The following CARD14 variants were observed in gnomAD, a reference collection of about 807,000 sequenced individuals.
CARD14 encodes the protein caspase recruitment domain family member 14, also known as caspase recruitment domain-containing protein 14.
In CARD14, 107 loss-of-function variants were observed where a neutral mutation model predicts 111.5. That is an observed-to-expected ratio of 0.96 (90% confidence interval 0.82 to 1.13). The LOEUF is 1.13. CARD14 is among the 50% of genes most tolerant of loss of function. The pLI, the probability that CARD14 is intolerant of heterozygous loss-of-function variation, is 0.00. For synonymous variants in CARD14, 617 were observed against 579.6 expected (o/e 1.06, Z -0.93); for missense variants, 1,322 against 1,362.3 (o/e 0.97, Z 0.47).
At chr17:80,185,194 G>A (rs2040304841) in intron 7 of CARD14, among the ~76,000 whole-genome samples, 1 of 151,436 alleles carries the variant, frequency 6.6e-6, no homozygotes, top group Admixed American at 6.6e-5. Context: ...ACTACAGATT[G>A]TACCACCATA....
intron 2 of CARD14, among the ~76,000 whole-genome samples, 170 bp from the exon 3 acceptor site, chr17:80,178,338 A>G (rs2040074261): frequency 6.6e-6 from 1 of 152,128 alleles, no homozygotes; most frequent in Non-Finnish European, 1.5e-5. Context: ...AAGCTTCAAT[A>G]GTTACTGGGA....
intron 9 of CARD14, among the ~76,000 whole-genome samples, chr17:80,190,374 A>G (rs946724744): frequency 6.6e-5 from 10 of 152,044 alleles, no homozygotes; most frequent in Admixed American, 2.6e-4. Flanking sequence ...GCACTTTGGA[A>G]GGCCGAGGCA....
intron 3 of CARD14, among the ~76,000 whole-genome samples, chr17:80,178,895 G>T (rs7212328): frequency 6.6e-6 from 1 of 152,250 alleles, no homozygotes; most frequent in Non-Finnish European, 1.5e-5. Flanking sequence ...ACAGGCACCC[G>T]TCACCATGAC....
intron 2 of CARD14, among the ~76,000 whole-genome samples, chr17:80,177,449 A>G (rs2040053596): frequency 1.3e-5 from 2 of 152,156 alleles, no homozygotes; most frequent in South Asian, 4.1e-4. Context: ...TAATCCCAGC[A>G]CTTTGGGAGG....
intron 4 of CARD14, among the ~76,000 whole-genome samples, chr17:80,180,939 T>A (rs564311268): frequency 6.6e-6 from 1 of 152,280 alleles, no homozygotes; most frequent in Admixed American, 6.5e-5. Flanking sequence ...ATTTTTGTAT[T>A]TTTAGTAGAG....
At chr17:80,172,686 C>A (rs2039929623) in intron 1 of CARD14, among the ~76,000 whole-genome samples, 2 of 152,082 alleles carry the variant, frequency 1.3e-5, no homozygotes, top group African/African-American at 4.8e-5. Context: ...CACCGTTGAT[C>A]ATTACTCCAG....
rs1598655346 is a variant in CARD14, at chr17:80,190,890, G to A, written c.1080G>A (p.Glu360=). Residue 360 remains glutamate (E), a synonymous_variant, in exon 10 of 24, where the codon GAG becomes GAA. Transcript: ENST00000648509. The stretch of plus-strand genomic sequence containing the variant: ...CCCAGGTGTGCGAGCTGCAGAAGGA[G>A]CGAGACCAGGTACCTGAGAGGCCGG... ...LQAQVCELQK[E]RDQAYSARDS... 1.2e-6 allele frequency: 2 copies of A among 1,613,696 alleles called. No homozygotes were observed. Among genetic ancestry groups the A allele is most frequent in the Non-Finnish European group, 1.7e-6 (2 of 1,179,984 alleles).
At chr17:80,204,169 C>A in intron 19 of CARD14, 58 bp from the exon 20 acceptor site, 1 of 1,499,158 alleles carries the variant, frequency 6.7e-7, no homozygotes, top group Non-Finnish European at 9.0e-7. Context: ...CCCTGAATTC[C>A]CATTCCTGTT....
rs761315669 is a variant in CARD14, at chr17:80,198,096, C to A, written c.1595-3C>A. 6.2e-7 allele frequency: 1 copy of A among 1,613,462 alleles called. No individual in the cohort carries two copies. The highest frequency in any genetic ancestry group is 8.5e-7 in the Non-Finnish European group (1 of 1,179,922). Reference sequence around the variant, plus strand: ...GATCTGTGAGCTCTTGGCTTCCTCCCAGACCTTCCGCAGCTGGAAAGCAGC... The same window carrying A: ...GATCTGTGAGCTCTTGGCTTCCTCCAAGACCTTCCGCAGCTGGAAAGCAGC... On this transcript the variant is annotated splice_region_variant and splice_polypyrimidine_tract_variant and intron_variant, in intron 14 of 23. Transcript: ENST00000648509. The surrounding 1 kb of genome is among the most constrained non-coding windows in gnomAD (Gnocchi z 7.5).
At chr17:80,171,673 G>T (rs2039906682) in intron 1 of CARD14, among the ~76,000 whole-genome samples, 1 of 152,210 alleles carries the variant, frequency 6.6e-6, no homozygotes, top group Non-Finnish European at 1.5e-5. Flanking sequence ...GAAGTTCAGT[G>T]TGGCTCTGGG....
intron 2 of CARD14, among the ~76,000 whole-genome samples, chr17:80,175,479 C>T (rs1025670906): frequency 2.6e-5 from 4 of 152,178 alleles, no homozygotes; most frequent in African/African-American, 9.7e-5. Flanking sequence ...AGAGCGACTG[C>T]GCCCACTGGT....
intron 12 of CARD14, among the ~76,000 whole-genome samples, chr17:80,194,144 G>T (rs1422936673): frequency 6.6e-6 from 1 of 151,896 alleles, no homozygotes; most frequent in East Asian, 1.9e-4. Flanking sequence ...TGTGCCCCCT[G>T]CCCCCAACAC....
Position 80,195,119 on chromosome 17 carries a change from G to C in CARD14, c.1357-72G>C. 1.3e-6 allele frequency: 2 copies of C among 1,521,528 alleles called. No homozygotes were observed. Among genetic ancestry groups the C allele is most frequent in the Non-Finnish European group, 1.8e-6 (2 of 1,128,410 alleles). The allele number at this position is 1,521,528 out of a possible 1,614,324, so 94.3% of individuals were successfully genotyped here. A position where few individuals can be genotyped will look rare whatever the true frequency, so the allele number is the denominator to read the frequency against. ...TTCTCACTGTGGCTCTCTCTACACC[G>C]TGGGGGAGCAAGGGAGGAGTCTCAG... On this transcript the variant is annotated intron_variant, in intron 12 of 23. Coordinates refer to ENST00000648509, the MANE Select transcript of CARD14 (RefSeq NM_001366385.1). This position sits in a 1 kb window ranked among gnomAD's most constrained non-coding sequence, Gnocchi z 4.7.
rs2040662875 is a variant in CARD14, at chr17:80,195,140, C to T, written c.1357-51C>T. On this transcript the variant is annotated intron_variant, in intron 12 of 23. Coordinates refer to ENST00000648509, the MANE Select transcript of CARD14 (RefSeq NM_001366385.1). This position sits in a 1 kb window ranked among gnomAD's most constrained non-coding sequence, Gnocchi z 4.7. ...CACCGTGGGGGAGCAAGGGAGGAGT[C>T]TCAGGGTGTCCTCGTGCGTGCCCCA... 1 of 1,552,050 alleles carries T rather than the reference C, an allele frequency of 6.4e-7. No homozygotes were observed. Among genetic ancestry groups the T allele is most frequent in the Non-Finnish European group, 8.7e-7 (1 of 1,143,708 alleles).
chr17:80,187,009 C>T (rs191809469), intron 7 of CARD14, among the ~76,000 whole-genome samples: 27 of 152,378 alleles, frequency 1.8e-4, no homozygotes, highest in African/African-American at 6.5e-4. Flanking sequence ...TCTGTGTACA[C>T]ACACATACTC....
At chr17:80,173,851 C>T (rs189422148) in intron 2 of CARD14, among the ~76,000 whole-genome samples, 1 of 152,060 alleles carries the variant, frequency 6.6e-6, no homozygotes. Context: ...CCCACCTCGG[C>T]CTCCCAAAGT....
At position 80,173,226 on chromosome 17, in the gene CARD14, T is replaced by C. The variant is rs946236109; in HGVS notation, c.-369T>C. 6.5e-6 allele frequency: 1 copy of C among 153,562 alleles called. No individual in the cohort carries two copies. The highest frequency in any genetic ancestry group is 1.5e-5 in the Non-Finnish European group (1 of 68,060). The allele number at this position is 153,562 out of a possible 1,614,324, so 9.5% of individuals were successfully genotyped here. On this transcript the variant is annotated splice_region_variant and 5_prime_UTR_variant, in exon 2 of 24. Transcript: ENST00000648509. ...CCACCATGAACAGCAAGCATTAGCATTGGTGAGGAGTGTTCCAGAATCCCT... is the reference window on the plus strand; with the variant it reads ...CCACCATGAACAGCAAGCATTAGCACTGGTGAGGAGTGTTCCAGAATCCCT...
intron 23 of CARD14, 50 bp from the exon 24 acceptor site, chr17:80,208,088 G>A (rs1045798440): frequency 2.2e-6 from 3 of 1,390,682 alleles, no homozygotes; most frequent in Admixed American, 4.9e-5. Flanking sequence ...CAGGGCTCCT[G>A]GGCCCTTGCT....
chr17:80,202,346 C>T lies in CARD14; in HGVS notation c.2145C>T (p.Cys715=), dbSNP rs570013402. The change falls in exon 18 of 24, where the codon TGC becomes TGT. Residue 715 remains cysteine (C), a synonymous_variant. Coordinates refer to ENST00000648509, the MANE Select transcript of CARD14 (RefSeq NM_001366385.1). ...ACACCATGTTCCAGGGCTGCGGCTG[C>T]TGGCATGCCCACCGCGTGAACTCTT... ...VTDTMFQGCG[C]WHAHRVNSYT... 1.2e-6 allele frequency: 2 copies of T among 1,613,514 alleles called. No homozygotes were observed. The highest frequency in any genetic ancestry group is 2.2e-5 in the South Asian group (2 of 91,078).
Sources: allele counts gnomAD v4.1 joint callset (sites outside exome capture counted in the v4.1 genomes callset), GRCh38; gene constraint gnomAD v4.1.1; non-coding constraint Gnocchi (gnomAD v3.1); transcripts MANE v1.5; gene names NCBI Gene and HGNC (gene_info 2026-07-23, HGNC 2026-07-21).